Variants in RAPSN observed in about 807,000 individuals in gnomAD.
RAPSN encodes 43 kDa receptor-associated protein of the synapse.
In RAPSN, 33 loss-of-function variants were observed where a neutral mutation model predicts 45.7. That is an observed-to-expected ratio of 0.72 (90% CI 0.55 to 0.97). The LOEUF is 0.97. Ranked by LOEUF, RAPSN falls within the 50% of genes least tolerant of loss-of-function variation. The pLI is 0.00. For synonymous variants in RAPSN, 244 were observed against 233.6 expected (o/e 1.04, Z -0.40); for missense variants, 519 against 559.4 (o/e 0.93, Z 0.73).
At position 47,449,104 on chromosome 11, in the gene RAPSN, G is replaced by A; in HGVS notation, c.-140C>T. On this transcript the variant is annotated 5_prime_UTR_variant, in exon 1 of 8. Transcript: ENST00000298854. ...AGCGTCGGGTGGGAGCCGGAATGGG[G>A]CCTGGATGGAGAGCAGGCGCCACCC... The A allele has an allele frequency of 2.9e-6, 3 of 1,031,572 alleles. No individual in the cohort carries two copies. Among genetic ancestry groups the A allele is most frequent in the Non-Finnish European group, 4.4e-6 (3 of 680,242 alleles). 63.9% of individuals were successfully genotyped at this position (1,031,572 alleles called of 1,614,324 possible).
chr11:47,442,883 G>A, intron 2 of RAPSN, 69 bp from the exon 3 acceptor site: 1 of 1,604,898 alleles, frequency 6.2e-7, no homozygotes, highest in South Asian at 1.1e-5. Flanking sequence ...AGGGCTCCTG[G>A]GCTAGGTTTC....
chr11:47,441,659 C>T lies in RAPSN; in HGVS notation c.864G>A (p.Ala288=), dbSNP rs147966227. The change falls in exon 5 of 8, where the codon GCG becomes GCA. Residue 288 remains alanine (A), a synonymous_variant. Transcript: ENST00000298854. ...EIGNRLGQVQ[A]LLGVAKCWVA... is the part of the protein sequence containing the mutation. ...CCCAGCACTTGGCCACACCCAGCAGCGCCTGCACCTGCCCCAGGCGGTTTC... is the reference window on the plus strand; with the variant it reads ...CCCAGCACTTGGCCACACCCAGCAGTGCCTGCACCTGCCCCAGGCGGTTTC... 349 of 1,609,508 alleles carry T rather than the reference C, an allele frequency of 2.2e-4. No homozygotes were observed. The highest frequency in any genetic ancestry group is 2.7e-4 in the Non-Finnish European group (324 of 1,179,786).
In RAPSN at chr11:47,449,082, G is replaced by A. The variant is rs886048389; in HGVS notation, c.-118C>T. 22 of 1,279,754 alleles carry A rather than the reference G, an allele frequency of 1.7e-5. No homozygotes were observed. Among genetic ancestry groups the A allele is most frequent in the Middle Eastern group, 2.4e-4 (1 of 4,190 alleles). 79.3% of individuals were successfully genotyped at this position (1,279,754 alleles called of 1,614,324 possible). On this transcript the variant is annotated 5_prime_UTR_variant, in exon 1 of 8. In the 5' UTR this introduces an upstream ATG that the reference lacks. Transcript: ENST00000298854. ...CCCGAAACGTGGGAACAAAAGCAGCGTCGGGTGGGAGCCGGAATGGGGCCT... is the reference window on the plus strand; with the variant it reads ...CCCGAAACGTGGGAACAAAAGCAGCATCGGGTGGGAGCCGGAATGGGGCCT...
rs762775886 is a variant in RAPSN, at chr11:47,448,827, CA to C, written c.137del (p.Leu46ArgfsTer18). ...SSDLMGRFRV[L>X]GCLVTAHSEM... ...CCGAGTGGGCTGTGACCAGGCAGCC[CA>C]GCACGCGGAAGCGCCCCATGAGGTC... On this transcript the variant is annotated frameshift_variant, in exon 1 of 8. Transcript: ENST00000298854. LOFTEE classifies it high-confidence loss of function. 4 of 1,613,796 alleles carry C rather than the reference CA, an allele frequency of 2.5e-6. No individual in the cohort carries two copies. The Admixed American group carries it at 6.7e-5, about 27-fold the overall frequency.
At position 47,448,883 on chromosome 11, in the gene RAPSN, C is replaced by A. The variant is rs199984356; in HGVS notation, c.82G>T (p.Val28Leu). ...CTCTTCTCCAGCACCTTTGTCCACA[C>A]CTGCAATGCCTTCTCTGTCTGGTTG... is the stretch of plus-strand genomic sequence containing the variant. ...QSNQTEKALQVWTKVLEKSSD... is the reference protein window; with the variant it reads ...QSNQTEKALQLWTKVLEKSSD... The change falls in exon 1 of 8, where the codon GTG (valine) becomes TTG (leucine). Residue 28 changes from valine (V) to leucine (L), a missense_variant. Coordinates refer to ENST00000298854, the MANE Select transcript of RAPSN (RefSeq NM_005055.5). 4.3e-6 allele frequency: 7 copies of A among 1,614,240 alleles called. No homozygotes were observed. The East Asian group carries it at 6.7e-5, about 15-fold the overall frequency.
Position 47,441,887 on chromosome 11 carries a change from C to A in RAPSN, c.725G>T (p.Arg242Leu). The A allele has an allele frequency of 6.3e-7, 1 of 1,593,134 alleles. No individual in the cohort carries two copies. The change falls in exon 4 of 8, where the codon CGG becomes CTG. Residue 242 changes from arginine to leucine, a missense_variant. Physicochemically the swap from Arg to Leu is moderately radical, Grantham distance 102. Transcript: ENST00000298854. ...GAGCAGGCAGAGCGCCTGCAGTGGC[C>A]GGTCCCCGTGCTGCAGCGCGATCTT... ...SMKIALQHGD[R>L]PLQALCLLCF...
chr11:47,443,931 C>CAAAAAAAAAAAAAAAAAAAAAAAAAAAA (rs1161231934), intron 2 of RAPSN, among the ~76,000 whole-genome samples: 3 of 13,968 alleles, frequency 2.1e-4, no homozygotes, highest in African/African-American at 6.4e-4. Flanking sequence ...CTCTGTCTCA[C>CAAAAAAAAAAAAAAAAAAAAAAAAAAAA]AAAAAAAAAA....
intron 2 of RAPSN, among the ~76,000 whole-genome samples, chr11:47,446,998 C>T (rs2076411695): frequency 6.6e-6 from 1 of 152,152 alleles, no homozygotes; most frequent in South Asian, 2.1e-4. Context: ...ACCTCCCTAC[C>T]TCCGCACACA....
chr11:47,438,111 C>T (rs2076328082), intron 7 of RAPSN, 64 bp from the exon 8 acceptor site: 2 of 1,524,180 alleles, frequency 1.3e-6, no homozygotes, highest in East Asian at 4.9e-5. Flanking sequence ...GCCCTCTCTT[C>T]CTTCCTTGCC....
At chr11:47,442,508 G>C in intron 3 of RAPSN, 148 bp downstream of exon 3, 1 of 832,566 alleles carries the variant, frequency 1.2e-6, no homozygotes, top group African/African-American at 1.7e-5. Context: ...GTGCATGGTG[G>C]TGCACGCCTT....
intron 6 of RAPSN, among the ~76,000 whole-genome samples, chr11:47,440,378 A>T (rs1401712792): frequency 6.6e-6 from 1 of 152,118 alleles, no homozygotes; most frequent in East Asian, 1.9e-4. Flanking sequence ...CCTGGGCTCA[A>T]GCTATCCTCC....
intron 2 of RAPSN, among the ~76,000 whole-genome samples, chr11:47,446,891 G>A (rs1324459473): frequency 1.3e-5 from 2 of 152,142 alleles, no homozygotes; most frequent in Non-Finnish European, 2.9e-5. Context: ...GGTGACAAGA[G>A]CAAAACTCCG....
At position 47,442,677 on chromosome 11, in the gene RAPSN, G is replaced by A. The variant is rs1168766907; in HGVS notation, c.669C>T (p.Gly223=). The A allele has an allele frequency of 3.1e-6, 5 of 1,614,118 alleles. No homozygotes were observed. The East Asian group carries it at 1.1e-4, about 36-fold the overall frequency. ...CCACCTCACAACACTCCATGGCACT[G>A]CCCAGGCGGCCCAGCAGGCGATAGG... ...AVAYRLLGRL[G]SAMECCEESM... The change falls in exon 3 of 8, where the codon GGC becomes GGT. Residue 223 remains glycine (G), a synonymous_variant. Transcript: ENST00000298854.
intron 3 of RAPSN, among the ~76,000 whole-genome samples, chr11:47,442,264 C>T (rs2076371557): frequency 6.6e-6 from 1 of 152,154 alleles, no homozygotes; most frequent in Admixed American, 6.5e-5. Context: ...AAGGAAGCCC[C>T]CTCCCCTGCA....
rs143668632 is a variant in RAPSN, at chr11:47,441,678, C to A, written c.845G>T (p.Arg282Leu). The A allele has an allele frequency of 1.2e-6, 2 of 1,609,730 alleles. No homozygotes were observed. The highest frequency in any genetic ancestry group is 2.2e-5 in the South Asian group (2 of 90,978). ...AMSIMTEIGN[R>L]LGQVQALLGV... ...CAGCAGCGCCTGCACCTGCCCCAGG[C>A]GGTTTCCGATCTCGGTCATGATGCT... The change falls in exon 5 of 8, where the codon CGC becomes CTC. Residue 282 changes from arginine (R) to leucine (L), a missense_variant. By Grantham distance (102) the Arg-to-Leu change is moderately radical. Coordinates refer to ENST00000298854, the MANE Select transcript of RAPSN (RefSeq NM_005055.5).
intron 2 of RAPSN, among the ~76,000 whole-genome samples, chr11:47,446,250 C>T (rs891483675): frequency 2.0e-5 from 3 of 151,662 alleles, no homozygotes; most frequent in South Asian, 2.1e-4. Context: ...TGTTTGTAGA[C>T]GCTGGTCTGG....
intron 2 of RAPSN, 116 bp from the exon 3 acceptor site, chr11:47,442,930 G>T (rs1371781603): frequency 9.8e-6 from 15 of 1,526,620 alleles, no homozygotes; most frequent in Non-Finnish European, 1.2e-5. Flanking sequence ...CCGAGTGTCT[G>T]CTCATTCATT....
chr11:47,438,447 C>T (rs1367713693), intron 7 of RAPSN: 12 of 571,254 alleles, frequency 2.1e-5, no homozygotes, highest in Non-Finnish European at 3.4e-5. Context: ...CTCAGCCTCC[C>T]GAGTAGTTGG....
At position 47,441,733 on chromosome 11, in the gene RAPSN, T is replaced by C; in HGVS notation, c.790A>G (p.Thr264Ala). Residue 264 changes from threonine to alanine, a missense_variant and splice_region_variant, in exon 5 of 8, where the codon ACA (threonine) becomes GCA (alanine). Physicochemically the swap from Thr to Ala is moderately conservative, Grantham distance 58. Transcript: ENST00000298854. ...DIHRSRGDLE[T>A]AFPRYDSAMS... ...GCGGAGTCGTACCTGGGGAAGGCTG[T>C]CTGCAGAGCCAGGTGGGGGATGGAA... 5.0e-6 allele frequency: 8 copies of C among 1,606,704 alleles called. No homozygotes were observed. Among genetic ancestry groups the C allele is most frequent in the Non-Finnish European group, 6.8e-6 (8 of 1,179,858 alleles).
Sources: allele counts gnomAD v4.1 joint callset (sites outside exome capture counted in the v4.1 genomes callset), GRCh38; gene constraint gnomAD v4.1.1; transcripts MANE v1.5; gene names NCBI Gene and HGNC (gene_info 2026-07-23, HGNC 2026-07-21).